The following KLHL12 variants were observed in gnomAD, a reference collection of about 807,000 sequenced individuals.
The protein encoded by KLHL12 is kelch-like protein 12.
KLHL12 carries 17 observed loss-of-function variants against 60.8 expected under a neutral mutation model. The ratio of observed to expected loss-of-function variants is 0.28; its 90% CI spans 0.19 to 0.42. The LOEUF is 0.42. Among genes scored for constraint, KLHL12 ranks in the 10% least tolerant of loss-of-function variants. The pLI is 1.00. For synonymous variants in KLHL12, 220 were observed against 250.9 expected (o/e 0.88, Z 1.16); for missense variants, 468 against 722.3 (o/e 0.65, Z 4.04).
Position 202,918,235 on chromosome 1 carries a change from T to C in KLHL12, c.503A>G (p.His168Arg), listed in dbSNP as rs144002280. 8.7e-6 allele frequency: 14 copies of C among 1,614,204 alleles called. No individual in the cohort carries two copies. The highest frequency in any genetic ancestry group is 1.7e-5 in the Admixed American group (1 of 60,020). ...TTGACTCAGAAGAATGAACTCTTCA[T>C]GCTGTACCACTTCAGGAAAATGCTT... Reference protein sequence around the residue: ...SQKHFPEVVQHEEFILLSQGE... With the variant: ...SQKHFPEVVQREEFILLSQGE... The change falls in exon 4 of 12, where the codon CAT becomes CGT. Residue 168 changes from histidine (H) to arginine (R), a missense_variant. By Grantham distance (29) the His-to-Arg change is conservative. Around this residue, in one of 4 missense-constraint regions of KLHL12, gnomAD observed 339 missense variants for 525.0 expected, o/e 0.65. Transcript: ENST00000367261.
intron 2 of KLHL12, among the ~76,000 whole-genome samples, chr1:202,923,169 A>C (rs1660750717): frequency 6.6e-6 from 1 of 152,274 alleles, no homozygotes; most frequent in African/African-American, 2.4e-5. Flanking sequence ...GAAAGAAATC[A>C]TCACTGATGA....
At chr1:202,911,588 G>C (rs1185066643) in intron 4 of KLHL12, among the ~76,000 whole-genome samples, 1 of 152,068 alleles carries the variant, frequency 6.6e-6, no homozygotes, top group Non-Finnish European at 1.5e-5. Context: ...AGGAAGGCAG[G>C]TGGGGGAATC....
At chr1:202,925,470 A>T (rs1191299443) in intron 1 of KLHL12, among the ~76,000 whole-genome samples, 1 of 152,226 alleles carries the variant, frequency 6.6e-6, no homozygotes, top group African/African-American at 2.4e-5. Flanking sequence ...CTGAAATGTA[A>T]GTAGAGATAA....
chr1:202,908,168 G>C (rs1186695725), intron 6 of KLHL12, among the ~76,000 whole-genome samples: 1 of 152,180 alleles, frequency 6.6e-6, no homozygotes, highest in African/African-American at 2.4e-5. Context: ...TGAGTATTTA[G>C]TGTGTGCCAG....
At chr1:202,923,208 A>G (rs776876100) in intron 2 of KLHL12, among the ~76,000 whole-genome samples, 5 of 152,256 alleles carry the variant, frequency 3.3e-5, no homozygotes, top group Non-Finnish European at 2.9e-5. Context: ...CCAAATAACA[A>G]AAGAGTAAAG....
At chr1:202,899,438 T>C (rs555460017) in intron 6 of KLHL12, among the ~76,000 whole-genome samples, 1 of 151,646 alleles carries the variant, frequency 6.6e-6, no homozygotes, top group East Asian at 1.9e-4. Context: ...AACCACGGAG[T>C]TTTTCTAAGA....
At chr1:202,898,272 G>C (rs1041773219) in intron 6 of KLHL12, among the ~76,000 whole-genome samples, 3 of 152,186 alleles carry the variant, frequency 2.0e-5, no homozygotes, top group Non-Finnish European at 4.4e-5. Context: ...AGAACTCATG[G>C]AGAGAATAGT....
At chr1:202,928,551 G>T (rs115969410), upstream of KLHL12, 2 of 1,303,810 alleles carry the variant, frequency 1.5e-6, no homozygotes, top group African/African-American at 3.0e-5. Context: ...CACGTCCATT[G>T]TCCACAATGG....
rs764850717 is a variant in KLHL12 at position 202,892,518 on chromosome 1, G to T, written c.*15C>A. Reference sequence around the variant, plus strand: ...CTGGACTGGTCACTAGCTCTGGATGGTGCTCCAACAATGGTCACTTCTCGC... The same window carrying T: ...CTGGACTGGTCACTAGCTCTGGATGTTGCTCCAACAATGGTCACTTCTCGC... On this transcript the variant is annotated 3_prime_UTR_variant, in exon 12 of 12. Transcript: ENST00000367261. 6.2e-7 allele frequency: 1 copy of T among 1,612,568 alleles called. No individual in the cohort carries two copies. The highest frequency in any genetic ancestry group is 8.5e-7 in the Non-Finnish European group (1 of 1,179,556).
intron 4 of KLHL12, chr1:202,912,570 A>T (rs1225255419): frequency 6.8e-6 from 8 of 1,172,276 alleles, no homozygotes; most frequent in Non-Finnish European, 1.0e-5. Flanking sequence ...AACTACAATA[A>T]TCAGTCTTCA....
rs1320393858 is a variant in KLHL12 at position 202,893,124 on chromosome 1, C to T, written c.1580+115G>A. On this transcript the variant is annotated intron_variant, in intron 11 of 11. Coordinates refer to ENST00000367261, the MANE Select transcript of KLHL12 (RefSeq NM_021633.4). This position sits in a 1 kb window ranked among gnomAD's most constrained non-coding sequence, Gnocchi z 4.1. ...AATCTAATAAAAAAAATCAAGTTGC[C>T]ACTGGAGATGTCTACCCCTACCCAA... is the stretch of plus-strand genomic sequence containing the variant. 3 of 735,708 alleles carry T rather than the reference C, an allele frequency of 4.1e-6. No homozygotes were observed. The Admixed American group carries it at 8.5e-5, about 21-fold the overall frequency. The allele number at this position is 735,708 out of a possible 1,614,324, so 45.6% of individuals were successfully genotyped here.
chr1:202,927,605 A>G (rs1365354586), upstream of KLHL12, among the ~76,000 whole-genome samples: 1 of 141,168 alleles, frequency 7.1e-6, no homozygotes, highest in East Asian at 2.2e-4. Context: ...CACTTGAGCC[A>G]GGCAGCAGAG....
In KLHL12 at chr1:202,893,243, C is replaced by T. The variant is rs375406326; in HGVS notation, c.1576G>A (p.Ala526Thr). Residue 526 changes from alanine (A) to threonine (T), a missense_variant, in exon 11 of 12, where the codon GCA (alanine) becomes ACA (threonine). Ala to Thr is a moderately conservative substitution (Grantham distance 58, BLOSUM62 0). Around this residue, in one of 4 missense-constraint regions of KLHL12, gnomAD observed 68 missense variants for 119.8 expected, o/e 0.57. Transcript: ENST00000367261. The surrounding 1 kb of genome is among the most constrained non-coding windows in gnomAD (Gnocchi z 4.1). ...TVLRGRLYAI[A>T]GYDGNSLLSS... ...GATTCGTTTCTAAATCCTCACCCTG[C>T]AATTGCATAGAGTCTCCCCCGAAGC... is the stretch of plus-strand genomic sequence containing the variant. 6.3e-7 allele frequency: 1 copy of T among 1,598,102 alleles called. No individual in the cohort carries two copies. The highest frequency in any genetic ancestry group is 1.3e-5 in the African/African-American group (1 of 74,174).
intron 4 of KLHL12, chr1:202,912,522 G>A: frequency 2.0e-6 from 2 of 986,860 alleles, no homozygotes; most frequent in Non-Finnish European, 3.2e-6. Context: ...AATGATGGAA[G>A]CAATTTTGGA....
rs1571543041 is a variant in KLHL12, at chr1:202,921,010, CT to C, written c.196-1103del. On this transcript the variant is annotated intron_variant, in intron 2 of 11. Coordinates refer to ENST00000367261, the MANE Select transcript of KLHL12 (RefSeq NM_021633.4). ...GTTCCTATCATCTGTCCTTAGACTA[CT>C]TTTTTTTCCCCTTTGTTGAGATAGG... Among the ~76,000 whole-genome samples the C allele has an allele frequency of 3.3e-5, 5 of 151,758 alleles. No individual in the cohort carries two copies. The East Asian group carries it at 7.8e-4, about 24-fold the overall frequency.
chr1:202,912,894 C>T (rs958018267), intron 4 of KLHL12, among the ~76,000 whole-genome samples: 4 of 151,916 alleles, frequency 2.6e-5, no homozygotes, highest in East Asian at 1.9e-4. Flanking sequence ...GCAAAAAACT[C>T]GAGGACTGTA....
chr1:202,913,010 T>C (rs1660411604), intron 4 of KLHL12, among the ~76,000 whole-genome samples: 1 of 151,364 alleles, frequency 6.6e-6, no homozygotes. Flanking sequence ...TTGGCACCCA[T>C]GCTGTTGATT....
Position 202,894,618 on chromosome 1 carries a change from C to T in KLHL12, c.1267G>A (p.Val423Met). ...QTAREGAGLV[V>M]ASGVIYCLGG... Reference sequence around the variant, plus strand: ...AGACAGTAGATCACTCCACTGGCCACTACGAGTCCGGCACCTTCCCGGGCT... The same window carrying T: ...AGACAGTAGATCACTCCACTGGCCATTACGAGTCCGGCACCTTCCCGGGCT... Residue 423 changes from valine (V) to methionine (M), a missense_variant, in exon 9 of 12, where the codon GTG becomes ATG. Physicochemically the swap from Val to Met is conservative, Grantham distance 21 (BLOSUM62 1). Coordinates refer to ENST00000367261, the MANE Select transcript of KLHL12 (RefSeq NM_021633.4). 1.9e-6 allele frequency: 3 copies of T among 1,614,190 alleles called. No individual in the cohort carries two copies. The highest frequency in any genetic ancestry group is 2.5e-6 in the Non-Finnish European group (3 of 1,180,042).
Position 202,892,638 on chromosome 1 carries a change from T to C in KLHL12, c.1602A>G (p.Leu534=). The C allele has an allele frequency of 6.2e-7, 1 of 1,614,012 alleles. No individual in the cohort carries two copies. The highest frequency in any genetic ancestry group is 8.5e-7 in the Non-Finnish European group (1 of 1,179,946). The change falls in exon 12 of 12, where the codon CTA becomes CTG. Residue 534 remains leucine (L), a synonymous_variant. Transcript: ENST00000367261. The stretch of plus-strand genomic sequence containing the variant: ...TAGGGTCATAACATTCAATGCTACT[T>C]AGCAGGGAATTACCATCATATCTGA... The part of the protein sequence containing the change: ...AIAGYDGNSL[L]SSIECYDPII...
Sources: allele counts gnomAD v4.1 joint callset (sites outside exome capture counted in the v4.1 genomes callset), GRCh38; gene constraint gnomAD v4.1.1; regional missense constraint gnomAD v4.1.1; non-coding constraint Gnocchi (gnomAD v3.1); transcripts MANE v1.5; gene names NCBI Gene and HGNC (gene_info 2026-07-23, HGNC 2026-07-21).